Variants in CNBD1 observed in about 807,000 individuals in gnomAD.
CNBD1 encodes the protein cyclic nucleotide-binding domain-containing protein 1.
Under a neutral mutation model 54.4 loss-of-function variants are expected in CNBD1, and 71 were observed. The ratio of observed to expected loss-of-function variants is 1.30; its 90% CI spans 1.08 to 1.59. CNBD1 has a LOEUF of 1.59. CNBD1 is among the 40% of genes most tolerant of loss of function. The pLI, the probability that CNBD1 is intolerant of heterozygous loss-of-function variation, is 0.00. For missense variants in CNBD1, 659 were observed against 518.0 expected (o/e 1.27, Z -2.64); for synonymous variants, 182 against 170.7 (o/e 1.07, Z -0.51).
chr8:87,027,792 A>G (rs934908720), intron 4 of CNBD1, among the ~76,000 whole-genome samples: 3 of 152,250 alleles, frequency 2.0e-5, no homozygotes, highest in Admixed American at 6.5e-5. Context: ...TATCACAAAG[A>G]ACATCAGTTT....
At chr8:86,899,249 A>G (rs1055289666) in intron 2 of CNBD1, among the ~76,000 whole-genome samples, 3 of 152,152 alleles carry the variant, frequency 2.0e-5, no homozygotes, top group African/African-American at 7.2e-5. Flanking sequence ...GAGATCTAAT[A>G]TACGATATGA....
intron 8 of CNBD1, among the ~76,000 whole-genome samples, chr8:87,349,236 A>G (rs1447446643): frequency 6.6e-6 from 1 of 152,206 alleles, no homozygotes; most frequent in Non-Finnish European, 1.5e-5. Context: ...TTGACAGCAT[A>G]AGTTCTTAAA....
intron 4 of CNBD1, among the ~76,000 whole-genome samples, chr8:87,037,300 C>T (rs1044196645): frequency 3.9e-5 from 6 of 152,060 alleles, no homozygotes; most frequent in Admixed American, 3.9e-4. Context: ...TGAAGCTTTG[C>T]AGTGATATAC....
intron 4 of CNBD1, among the ~76,000 whole-genome samples, chr8:86,944,527 G>A (rs1298592177): frequency 6.6e-6 from 1 of 152,196 alleles, no homozygotes; most frequent in Admixed American, 6.5e-5. Context: ...CCTTGAAGAA[G>A]TGCATTCTAG....
At chr8:87,288,044 C>T (rs888665809) in intron 8 of CNBD1, among the ~76,000 whole-genome samples, 1 of 151,738 alleles carries the variant, frequency 6.6e-6, no homozygotes, top group Non-Finnish European at 1.5e-5. Flanking sequence ...TGTAAAAAAT[C>T]GGGAATTGAA....
At chr8:86,900,221 T>G (rs531594750) in intron 2 of CNBD1, among the ~76,000 whole-genome samples, 2 of 149,752 alleles carry the variant, frequency 1.3e-5, no homozygotes, top group Non-Finnish European at 2.9e-5. Context: ...AGGTATAAGG[T>G]ATGTTCTTCT....
intron 6 of CNBD1, among the ~76,000 whole-genome samples, chr8:87,267,605 G>A (rs1023326851): frequency 1.3e-5 from 2 of 152,104 alleles, no homozygotes; most frequent in African/African-American, 4.8e-5. Context: ...TTGCTTCATA[G>A]CTAAATGCTG....
chr8:87,291,703 C>CA (rs768079706), intron 8 of CNBD1, among the ~76,000 whole-genome samples: 3 of 152,080 alleles, frequency 2.0e-5, no homozygotes, highest in Non-Finnish European at 4.4e-5. Flanking sequence ...AGGCTGGACT[C>CA]AAACTCCTGG....
chr8:87,372,732 G>A (rs746697488), intron 10 of CNBD1, among the ~76,000 whole-genome samples: 7 of 151,610 alleles, frequency 4.6e-5, no homozygotes, highest in South Asian at 2.1e-4. Flanking sequence ...CTTTTATGTG[G>A]CAACGTTCTT....
intron 2 of CNBD1, chr8:87,428,456 AAT>A: frequency 3.1e-6 from 1 of 324,110 alleles, no homozygotes; most frequent in Non-Finnish European, 6.1e-6. Context: ...ACTATTTTGA[AAT>A]ATTGATAAAA....
chr8:87,203,208 T>A (rs1165889163), intron 4 of CNBD1, among the ~76,000 whole-genome samples: 1 of 152,226 alleles, frequency 6.6e-6, no homozygotes, highest in Middle Eastern at 3.2e-3. Flanking sequence ...CATAGTGTTA[T>A]AAATTTGTTA....
intron 4 of CNBD1, among the ~76,000 whole-genome samples, chr8:87,107,550 G>A (rs1440669332): frequency 6.6e-6 from 1 of 152,144 alleles, no homozygotes; most frequent in Non-Finnish European, 1.5e-5. Flanking sequence ...CAGTACTAAT[G>A]ACTCTAGTTT....
chr8:86,878,832 A>G lies in CNBD1; in HGVS notation c.89-8710A>G, dbSNP rs189092448. 7.5e-3 allele frequency among the ~76,000 whole-genome samples: 1,147 copies of G among 152,252 alleles called. 7 individuals are homozygous for G. Among genetic ancestry groups the G allele is most frequent in the African/African-American group, 0.021 (876 of 41,542 alleles). On this transcript the variant is annotated intron_variant, in intron 1 of 10. Transcript: ENST00000518476. ...TTATTGATGTTTCACTATTTGGTTG[A>G]TATTATTCAGAATTCATAGTTAGAA... is the stretch of plus-strand genomic sequence containing the variant.
Position 87,166,413 on chromosome 8 carries a change from G to T in CNBD1, c.432-39580G>T, listed in dbSNP as rs546799240. The stretch of plus-strand genomic sequence containing the variant: ...CAGGTTTGTATCTTCCACTACTTCT[G>T]CATGCCAGCCTAGTATTTACATAGC... On this transcript the variant is annotated intron_variant, in intron 4 of 10. Transcript: ENST00000518476. The surrounding 1 kb of genome is among the most constrained non-coding windows in gnomAD (Gnocchi z 4.3). 6.6e-6 allele frequency among the ~76,000 whole-genome samples: 1 copy of T among 151,958 alleles called. No homozygotes were observed. The highest frequency in any genetic ancestry group is 2.1e-4 in the South Asian group (1 of 4,834).
intron 4 of CNBD1, among the ~76,000 whole-genome samples, chr8:87,193,034 A>T (rs546580988): frequency 9.8e-5 from 15 of 152,316 alleles, no homozygotes; most frequent in African/African-American, 3.6e-4. Flanking sequence ...GGATGGAAGG[A>T]TATGTTTTTA....
chr8:86,961,936 T>A (rs1807939012), intron 4 of CNBD1, among the ~76,000 whole-genome samples: 1 of 151,218 alleles, frequency 6.6e-6, no homozygotes, highest in South Asian at 2.1e-4. Context: ...CATGTGCCAA[T>A]CTCCTATTTG....
intron 8 of CNBD1, among the ~76,000 whole-genome samples, chr8:87,319,267 C>T (rs2130897608): frequency 6.6e-6 from 1 of 152,142 alleles, no homozygotes; most frequent in Non-Finnish European, 1.5e-5. Flanking sequence ...TAATTCAATG[C>T]TTGATGTGGA....
intron 8 of CNBD1, among the ~76,000 whole-genome samples, chr8:87,304,257 C>A (rs1195958598): frequency 6.6e-6 from 1 of 151,986 alleles, no homozygotes; most frequent in South Asian, 2.1e-4. Flanking sequence ...CAATGATAGA[C>A]TGGATTAAGA....
At chr8:87,216,366 A>T (rs1300438152) in intron 5 of CNBD1, among the ~76,000 whole-genome samples, 1 of 152,242 alleles carries the variant, frequency 6.6e-6, no homozygotes, top group Non-Finnish European at 1.5e-5. Flanking sequence ...AGACATCAGT[A>T]TGCCACCATA....
Sources: allele counts gnomAD v4.1 joint callset (sites outside exome capture counted in the v4.1 genomes callset), GRCh38; gene constraint gnomAD v4.1.1; non-coding constraint Gnocchi (gnomAD v3.1); transcripts MANE v1.5; gene names NCBI Gene and HGNC (gene_info 2026-07-23, HGNC 2026-07-21).